Variants in IL33 observed in about 807,000 individuals in gnomAD.
IL33 encodes interleukin 33, also known as interleukin-33.
In IL33, 37 loss-of-function variants were observed where a neutral mutation model predicts 27.3. That is an observed-to-expected ratio of 1.36 (90% CI 1.04 to 1.78). The LOEUF (loss-of-function observed/expected upper bound fraction) is 1.78, where lower values mean the gene tolerates loss of function less well. IL33 is among the 40% of genes most tolerant of loss of function. The pLI, the probability that IL33 is intolerant of heterozygous loss-of-function variation, is 0.00. For missense variants in IL33, 406 were observed against 311.4 expected (o/e 1.30, Z -2.29); for synonymous variants, 132 against 102.9 (o/e 1.28, Z -1.71).
chr9:6,247,805 T>C (rs1409648352), intron 2 of IL33, among the ~76,000 whole-genome samples: 1 of 152,030 alleles, frequency 6.6e-6, no homozygotes, highest in African/African-American at 2.4e-5. Context: ...TTCTTCAAAA[T>C]TCTCCTGATG....
At chr9:6,235,630 G>A (rs1014573185) in intron 1 of IL33, among the ~76,000 whole-genome samples, 4 of 152,012 alleles carry the variant, frequency 2.6e-5, no homozygotes, top group African/African-American at 4.8e-5. Context: ...ACAGACAAGG[G>A]TCTAATTTCT....
In IL33 at chr9:6,226,670, T is replaced by G. The variant is rs1818647415; in HGVS notation, c.-12+10818T>G. 2.6e-5 allele frequency among the ~76,000 whole-genome samples: 4 copies of G among 152,354 alleles called. No individual in the cohort carries two copies. The South Asian group carries it at 6.2e-4, about 24-fold the overall frequency. ...TATCTTTTATGTCTAGATATTCTATTTGGATCTTTTTCAAATATACATGTT... is the reference window on the plus strand; with the variant it reads ...TATCTTTTATGTCTAGATATTCTATGTGGATCTTTTTCAAATATACATGTT... On this transcript the variant is annotated intron_variant, in intron 1 of 7. Coordinates refer to ENST00000682010, the MANE Select transcript of IL33 (RefSeq NM_033439.4).
chr9:6,252,082 AC>A (rs1564073343), intron 4 of IL33, among the ~76,000 whole-genome samples: 7,657 of 127,220 alleles, frequency 0.06, 1,162 homozygotes, highest in East Asian at 0.11. Flanking sequence ...AAAAAACAAA[AC>A]AAAACAAAAA....
intron 2 of IL33, 69 bp from the exon 3 acceptor site, chr9:6,250,405 C>T: frequency 6.5e-7 from 1 of 1,544,028 alleles, no homozygotes; most frequent in East Asian, 2.3e-5. Flanking sequence ...TGGTCTGCTA[C>T]ACTCAGGATT....
intron 1 of IL33, among the ~76,000 whole-genome samples, chr9:6,217,244 C>T (rs1587597838): frequency 6.6e-6 from 1 of 152,032 alleles, no homozygotes; most frequent in African/African-American, 2.4e-5. Flanking sequence ...TTACAGTAGT[C>T]ACTGGGGAAG....
intron 2 of IL33, chr9:6,242,154 A>G: frequency 6.3e-6 from 1 of 157,854 alleles, no homozygotes; most frequent in East Asian, 1.8e-4. Context: ...GTCCACTTTT[A>G]TTCAACAAAT....
intron 1 of IL33, among the ~76,000 whole-genome samples, chr9:6,224,508 T>C (rs932590334): frequency 6.6e-5 from 10 of 152,150 alleles, no homozygotes; most frequent in African/African-American, 2.4e-4. Context: ...CAAAGAACTA[T>C]TCTTGTTAGC....
chr9:6,244,640 G>A (rs1031056593), intron 2 of IL33, among the ~76,000 whole-genome samples: 2 of 152,118 alleles, frequency 1.3e-5, no homozygotes, highest in African/African-American at 4.8e-5. Context: ...GGGGCAAGCA[G>A]GATAGAGTTA....
chr9:6,231,734 C>T (rs1035054995), intron 1 of IL33, among the ~76,000 whole-genome samples: 8 of 152,170 alleles, frequency 5.3e-5, no homozygotes, highest in Non-Finnish European at 8.8e-5. Context: ...TTTTAGGCAG[C>T]ACTCCATGCT....
intron 1 of IL33, among the ~76,000 whole-genome samples, chr9:6,218,898 C>A (rs1255861104): frequency 3.2e-5 from 1 of 31,426 alleles, no homozygotes. Flanking sequence ...TATATGTTCT[C>A]CATATATATA....
intron 1 of IL33, among the ~76,000 whole-genome samples, chr9:6,234,930 G>C (rs1007418105): frequency 6.6e-6 from 1 of 152,110 alleles, no homozygotes; most frequent in African/African-American, 2.4e-5. Context: ...TCTGCATACT[G>C]GTCCCAACAT....
chr9:6,243,951 G>A (rs1416045308), intron 2 of IL33, among the ~76,000 whole-genome samples: 1 of 152,178 alleles, frequency 6.6e-6, no homozygotes, highest in Non-Finnish European at 1.5e-5. Context: ...GAACAACCAG[G>A]AAATCACAGC....
chr9:6,239,254 G>A (rs540930228), intron 1 of IL33, among the ~76,000 whole-genome samples: 1 of 152,006 alleles, frequency 6.6e-6, no homozygotes, highest in African/African-American at 2.4e-5. Context: ...TCCTTTTTTG[G>A]TTATATTCAA....
Position 6,253,606 on chromosome 9 carries a change from A to G in IL33, c.520+4A>G. On this transcript the variant is annotated splice_donor_region_variant and intron_variant, in intron 6 of 7. Coordinates refer to ENST00000682010, the MANE Select transcript of IL33 (RefSeq NM_033439.4). Reference sequence around the variant, plus strand: ...CAACACCCCTCAAATGAATCAGGTAATTTGGAGGGCTGGGTAGCTGTAGTG... The same window carrying G: ...CAACACCCCTCAAATGAATCAGGTAGTTTGGAGGGCTGGGTAGCTGTAGTG... 1 of 1,604,716 alleles carries G rather than the reference A, an allele frequency of 6.2e-7. No homozygotes were observed. Among genetic ancestry groups the G allele is most frequent in the Non-Finnish European group, 8.5e-7 (1 of 1,173,034 alleles).
Position 6,253,000 on chromosome 9 carries a change from T to C in IL33, c.469+9T>C. ...AAAAGATGAAAAGAAAGGTAGATTA[T>C]TTTCTTTTTCTATAATAATGTAATA... On this transcript the variant is annotated intron_variant, in intron 5 of 7. Transcript: ENST00000682010. The C allele has an allele frequency of 6.9e-7, 1 of 1,456,226 alleles. No individual in the cohort carries two copies. Among genetic ancestry groups the C allele is most frequent in the East Asian group, 2.3e-5 (1 of 43,212 alleles). 90.2% of individuals were successfully genotyped at this position (1,456,226 alleles called of 1,614,324 possible).
rs141500076 is a variant in IL33, at chr9:6,241,371, C to T, written c.-11-313C>T. On this transcript the variant is annotated intron_variant, in intron 1 of 7. Coordinates refer to ENST00000682010, the MANE Select transcript of IL33 (RefSeq NM_033439.4). ...GTTTACACCACCATCACCACAAACA[C>T]GCAAGTAATGAATTGTTCTAGGATG... Among the ~76,000 whole-genome samples the T allele has an allele frequency of 4.6e-5, 7 of 152,230 alleles. No homozygotes were observed. In the South Asian group the frequency reaches 8.3e-4, roughly 18 times the overall value.
At chr9:6,223,867 C>T (rs901863004) in intron 1 of IL33, among the ~76,000 whole-genome samples, 6 of 152,138 alleles carry the variant, frequency 3.9e-5, no homozygotes, top group African/African-American at 1.4e-4. Context: ...ATCAAGGACT[C>T]AGGGTCTTCC....
At chr9:6,220,298 T>C (rs530624898) in intron 1 of IL33, among the ~76,000 whole-genome samples, 1 of 152,324 alleles carries the variant, frequency 6.6e-6, no homozygotes, top group African/African-American at 2.4e-5. Flanking sequence ...TCCCTAGCCA[T>C]ATTAGTGCAT....
At chr9:6,237,135 T>G (rs941073401) in intron 1 of IL33, among the ~76,000 whole-genome samples, 3 of 152,210 alleles carry the variant, frequency 2.0e-5, no homozygotes, top group African/African-American at 4.8e-5. Flanking sequence ...CAGCACTTTA[T>G]AAATTAGGTG....
Sources: allele counts gnomAD v4.1 joint callset (sites outside exome capture counted in the v4.1 genomes callset), GRCh38; gene constraint gnomAD v4.1.1; transcripts MANE v1.5; gene names NCBI Gene and HGNC (gene_info 2026-07-23, HGNC 2026-07-21).